The following COL4A3 variants were observed in gnomAD, a reference collection of about 807,000 sequenced individuals.
The protein encoded by COL4A3 is collagen alpha-3(IV) chain.
In COL4A3, 135 loss-of-function variants were observed where a neutral mutation model predicts 217.4. That is an observed-to-expected ratio of 0.62 (90% CI 0.54 to 0.72). The LOEUF (loss-of-function observed/expected upper bound fraction) is 0.72. COL4A3 is among the 30% of genes least tolerant of loss of function. The pLI, the probability that COL4A3 is intolerant of heterozygous loss-of-function variation, is 0.00. For missense variants in COL4A3, 1,868 were observed against 2,119.9 expected (o/e 0.88, Z 2.33); for synonymous variants, 690 against 736.3 (o/e 0.94, Z 1.02).
chr2:227,256,417 C>G (rs1260427769), intron 17 of COL4A3, 21 bp downstream of exon 17: 1 of 1,604,994 alleles, frequency 6.2e-7, no homozygotes, highest in South Asian at 1.1e-5. Flanking sequence ...CCCTAATAGC[C>G]TATTTTAATA....
chr2:227,238,448 C>A (rs2068824133), intron 2 of COL4A3, among the ~76,000 whole-genome samples: 1 of 152,076 alleles, frequency 6.6e-6, no homozygotes, highest in South Asian at 2.1e-4. Context: ...TCAAGTTCGC[C>A]CCCTGGTGGA....
chr2:227,281,516 T>C (rs901262120), intron 31 of COL4A3, among the ~76,000 whole-genome samples: 3 of 152,194 alleles, frequency 2.0e-5, no homozygotes, highest in Non-Finnish European at 4.4e-5. Flanking sequence ...TTCCAGATGA[T>C]GGAAAACTTT....
chr2:227,296,583 A>C (rs1053028695), intron 41 of COL4A3: 174 of 733,376 alleles, frequency 2.4e-4, no homozygotes, highest in Non-Finnish European at 2.8e-4. Context: ...ATCATATTGC[A>C]GAGCATGTAA....
At chr2:227,257,735 G>A in intron 18 of COL4A3, 91 bp downstream of exon 18, 1 of 1,105,838 alleles carries the variant, frequency 9.0e-7, no homozygotes. Flanking sequence ...CTCATTAACT[G>A]TGTGAGAGAG....
intron 1 of COL4A3, among the ~76,000 whole-genome samples, chr2:227,211,528 C>T (rs1170773946): frequency 2.0e-5 from 3 of 152,314 alleles, no homozygotes; most frequent in Middle Eastern, 6.8e-3. Flanking sequence ...GATGCATATA[C>T]ATTTATCTTT....
chr2:227,247,123 A>T (rs2069397079), intron 7 of COL4A3, among the ~76,000 whole-genome samples: 1 of 152,162 alleles, frequency 6.6e-6, no homozygotes, highest in African/African-American at 2.4e-5. Flanking sequence ...CTGGTGGGAG[A>T]AAGAAAACCA....
chr2:227,307,700 T>C lies in COL4A3; in HGVS notation c.4253-10T>C. On this transcript the variant is annotated splice_polypyrimidine_tract_variant and intron_variant, in intron 47 of 51. Coordinates refer to ENST00000396578, the MANE Select transcript of COL4A3 (RefSeq NM_000091.5). ...TGTATGTTGCAACATTTAGAATGTGTTTTTTGAAGGACCAGCTGGATCAGA... is the reference window on the plus strand; with the variant it reads ...TGTATGTTGCAACATTTAGAATGTGCTTTTTGAAGGACCAGCTGGATCAGA... 2.5e-6 allele frequency: 4 copies of C among 1,613,454 alleles called. No individual in the cohort carries two copies. Among genetic ancestry groups the C allele is most frequent in the Non-Finnish European group, 2.5e-6 (3 of 1,179,420 alleles).
intron 1 of COL4A3, among the ~76,000 whole-genome samples, chr2:227,167,745 G>A (rs1025071435): frequency 2.6e-5 from 4 of 152,064 alleles, no homozygotes; most frequent in Non-Finnish European, 4.4e-5. Context: ...CTATCCCTGA[G>A]ATTAAGCAAG....
At chr2:227,295,125 T>C in intron 40 of COL4A3, 63 bp downstream of exon 40, 1 of 1,530,770 alleles carries the variant, frequency 6.5e-7, no homozygotes, top group Admixed American at 1.7e-5. Flanking sequence ...TTAGTAACAG[T>C]GTAATCCTTT....
intron 47 of COL4A3, among the ~76,000 whole-genome samples, chr2:227,306,986 A>G (rs1360309069): frequency 6.6e-6 from 1 of 152,196 alleles, no homozygotes; most frequent in Admixed American, 6.5e-5. Flanking sequence ...GAAGTTAAAG[A>G]GGAATGGAAG....
At chr2:227,193,799 AGG>A (rs2066347441) in intron 1 of COL4A3, among the ~76,000 whole-genome samples, 7 of 36,988 alleles carry the variant, frequency 1.9e-4, no homozygotes, top group African/African-American at 5.6e-4. Flanking sequence ...GAAGGAAGGA[AGG>A]GGAGGGAGGG....
Position 227,256,045 on chromosome 2 carries a change from G to T in COL4A3, c.908G>T (p.Gly303Val). ...PGLQGKPGKDGVPGFPGSEGV... is the reference protein window; with the variant it reads ...PGLQGKPGKDVVPGFPGSEGV... The stretch of plus-strand genomic sequence containing the variant: ...CTGTAGGGAAAACCCGGAAAAGATG[G>T]TGTTCCTGGCTTCCCTGGAAGTGAG... Residue 303 changes from glycine (G) to valine (V), a missense_variant, in exon 16 of 52, where the codon GGT becomes GTT. By Grantham distance (109) the Gly-to-Val change is moderately radical. Transcript: ENST00000396578. 1 of 1,613,976 alleles carries T rather than the reference G, an allele frequency of 6.2e-7. No individual in the cohort carries two copies. The highest frequency in any genetic ancestry group is 8.5e-7 in the Non-Finnish European group (1 of 1,179,894).
intron 1 of COL4A3, among the ~76,000 whole-genome samples, chr2:227,179,891 A>G (rs2065814792): frequency 6.6e-6 from 1 of 152,226 alleles, no homozygotes; most frequent in Non-Finnish European, 1.5e-5. Context: ...AGGAGGAATA[A>G]GATTGATAAA....
intron 15 of COL4A3, among the ~76,000 whole-genome samples, chr2:227,255,463 G>A (rs1311981344): frequency 1.4e-5 from 2 of 148,140 alleles, no homozygotes; most frequent in Non-Finnish European, 2.9e-5. Context: ...AGCAAAGAAT[G>A]TATTTTTTGG....
In COL4A3 at chr2:227,196,204, T is replaced by C. The variant is rs936881862; in HGVS notation, c.87+31391T>C. On this transcript the variant is annotated intron_variant, in intron 1 of 51. Transcript: ENST00000396578. ...ATATAAAGTCTACAGGAGTGTACGATAGTGTCCTGGGCCTTCACATTCACT... is the reference window on the plus strand; with the variant it reads ...ATATAAAGTCTACAGGAGTGTACGACAGTGTCCTGGGCCTTCACATTCACT... 3.3e-5 allele frequency among the ~76,000 whole-genome samples: 5 copies of C among 152,298 alleles called. No homozygotes were observed. In the East Asian group the frequency reaches 7.7e-4, roughly 24 times the overall value.
rs991723584 is a variant in COL4A3, at chr2:227,169,429, T to C, written c.87+4616T>C. 6.0e-5 allele frequency among the ~76,000 whole-genome samples: 9 copies of C among 150,806 alleles called. No individual in the cohort carries two copies. The South Asian group carries it at 1.7e-3, about 28-fold the overall frequency. On this transcript the variant is annotated intron_variant, in intron 1 of 51. Coordinates refer to ENST00000396578, the MANE Select transcript of COL4A3 (RefSeq NM_000091.5). The stretch of plus-strand genomic sequence containing the variant: ...CCAGTAATGGGATGGCTGGGTCAAA[T>C]GGTATTTCTAGTTCTAGATCCCTGA...
intron 16 of COL4A3, 68 bp from the exon 17 acceptor site, chr2:227,256,275 C>G: frequency 7.0e-7 from 1 of 1,422,168 alleles, no homozygotes; most frequent in Non-Finnish European, 9.9e-7. Context: ...GTTCAAATTG[C>G]ACCTGCTCCC....
chr2:227,259,719 C>T, intron 18 of COL4A3, 74 bp from the exon 19 acceptor site: 5 of 1,100,010 alleles, frequency 4.5e-6, no homozygotes, highest in Non-Finnish European at 5.6e-6. Flanking sequence ...AATGAAGAAA[C>T]TGAAGTAATG....
chr2:227,201,267 TG>T (rs201482094), intron 1 of COL4A3, among the ~76,000 whole-genome samples: 2,033 of 152,312 alleles, frequency 0.013, 17 homozygotes, highest in Admixed American at 0.021. Flanking sequence ...TGAATAGTTT[TG>T]AAACTTTTCC....
Sources: gnomAD v4.1 joint callset for allele counts (sites outside exome capture counted in the v4.1 genomes callset) on GRCh38, gnomAD v4.1.1 for gene constraint, MANE v1.5 for transcripts, NCBI Gene and HGNC (gene_info 2026-07-23, HGNC 2026-07-21) for gene names.